Variants in F11 observed in about 807,000 individuals in gnomAD.
The protein encoded by F11 is coagulation factor XI, also known as coagualtion factor XI.
F11 carries 78 observed loss-of-function variants against 76.5 expected under a neutral mutation model. That is an observed-to-expected ratio of 1.02 (90% CI 0.85 to 1.23). The LOEUF (loss-of-function observed/expected upper bound fraction) is 1.23, where lower values mean the gene tolerates loss of function less well. F11 is among the 50% of genes most tolerant of loss of function. The pLI, the probability that F11 is intolerant of heterozygous loss-of-function variation, is 0.00. For synonymous variants in F11, 278 were observed against 276.3 expected (o/e 1.01, Z -0.06); for missense variants, 742 against 771.4 (o/e 0.96, Z 0.45).
At chr4:186,278,763 G>C (rs780068004) in intron 7 of F11, among the ~76,000 whole-genome samples, 3 of 152,152 alleles carry the variant, frequency 2.0e-5, no homozygotes, top group Admixed American at 6.5e-5. Context: ...ATTCAGAAGA[G>C]AGGTTTATGT....
Position 186,271,618 on chromosome 4 carries a change from C to T in F11, c.65C>T (p.Thr22Ile), listed in dbSNP as rs760244383. 62 of 1,614,160 alleles carry T rather than the reference C, an allele frequency of 3.8e-5. No individual in the cohort carries two copies. The South Asian group carries it at 6.8e-4, about 18-fold the overall frequency. ...ATGTACTACATCACAGAATGTGTGA[C>T]TCAGTTGTTGAAGGACACCTGCTTT... is the stretch of plus-strand genomic sequence containing the variant. ...LFTSVSGECV[T>I]QLLKDTCFEG... Residue 22 changes from threonine (T) to isoleucine (I), a missense_variant, in exon 3 of 15, where the codon ACT becomes ATT. Thr to Ile is a moderately conservative substitution (Grantham distance 89). Coordinates refer to ENST00000403665, the MANE Select transcript of F11 (RefSeq NM_000128.4).
Position 186,280,050 on chromosome 4 carries a change from C to T in F11, c.794C>T (p.Pro265Leu). The T allele has an allele frequency of 6.2e-7, 1 of 1,614,000 alleles. No homozygotes were observed. The highest frequency in any genetic ancestry group is 8.5e-7 in the Non-Finnish European group (1 of 1,179,948). The change falls in exon 8 of 15, where the codon CCC (proline) becomes CTC (leucine). Residue 265 changes from proline to leucine, a missense_variant. Physicochemically the swap from Pro to Leu is moderately conservative, Grantham distance 98. Coordinates refer to ENST00000403665, the MANE Select transcript of F11 (RefSeq NM_000128.4). ...CLLKTSESGLPSTRIKKSKAL... is the reference protein window; with the variant it reads ...CLLKTSESGLLSTRIKKSKAL... ...CTTAAAACATCTGAGAGTGGATTGC[C>T]CAGTACACGCATTAAAAAGAGCAAA...
chr4:186,270,808 C>G (rs531912098), intron 2 of F11, among the ~76,000 whole-genome samples: 3 of 152,034 alleles, frequency 2.0e-5, no homozygotes, highest in Admixed American at 6.5e-5. Flanking sequence ...ATCCTCCTAC[C>G]TCAGCCTCCC....
In F11 at chr4:186,285,733, T is replaced by C. The variant is rs1299574143; in HGVS notation, c.1400T>C (p.Ile467Thr). ...TCTTTCTTTGGGGTTCAAGAAATAATAATCCATGATCAGTATAAAATGGCA... is the reference window on the plus strand; with the variant it reads ...TCTTTCTTTGGGGTTCAAGAAATAACAATCCATGATCAGTATAAAATGGCA... ...DTSFFGVQEI[I>T]IHDQYKMAES... Residue 467 changes from isoleucine to threonine, a missense_variant, in exon 12 of 15, where the codon ATA becomes ACA. Coordinates refer to ENST00000403665, the MANE Select transcript of F11 (RefSeq NM_000128.4). 6.2e-7 allele frequency: 1 copy of C among 1,614,164 alleles called. No individual in the cohort carries two copies. Among genetic ancestry groups the C allele is most frequent in the Non-Finnish European group, 8.5e-7 (1 of 1,179,994 alleles).
At position 186,288,579 on chromosome 4, in the gene F11, G is replaced by A. The variant is rs202061241; in HGVS notation, c.1843G>A (p.Val615Met). Residue 615 changes from valine (V) to methionine (M), a missense_variant, in exon 15 of 15, where the codon GTG becomes ATG. Val to Met is a conservative substitution (Grantham distance 21, BLOSUM62 1). Coordinates refer to ENST00000403665, the MANE Select transcript of F11 (RefSeq NM_000128.4). ...TGTTTACACCAACGTGGTCGAGTACGTGGACTGGATTCTGGAGAAAACTCA... is the reference window on the plus strand; with the variant it reads ...TGTTTACACCAACGTGGTCGAGTACATGGACTGGATTCTGGAGAAAACTCA... ...PGVYTNVVEY[V>M]DWILEKTQAV The A allele has an allele frequency of 1.9e-4, 301 of 1,614,154 alleles. No homozygotes were observed. In the East Asian group the frequency reaches 2.8e-3, roughly 15 times the overall value.
intron 11 of F11, among the ~76,000 whole-genome samples, 176 bp downstream of exon 11, chr4:186,284,436 G>C: frequency 6.6e-6 from 1 of 152,208 alleles, no homozygotes; most frequent in Non-Finnish European, 1.5e-5. Flanking sequence ...CCCAGCATCA[G>C]AACAGGTGCA....
At chr4:186,272,189 G>A (rs1198991218) in intron 3 of F11, among the ~76,000 whole-genome samples, 1 of 151,824 alleles carries the variant, frequency 6.6e-6, no homozygotes, top group African/African-American at 2.4e-5. Flanking sequence ...TGATCCCCCT[G>A]CCACCACCAA....
chr4:186,275,883 A>G lies in F11; in HGVS notation c.582A>G (p.Ala194=). The G allele has an allele frequency of 6.2e-7, 1 of 1,610,984 alleles. No homozygotes were observed. Among genetic ancestry groups the G allele is most frequent in the Non-Finnish European group, 8.5e-7 (1 of 1,177,860 alleles). The change falls in exon 6 of 15, where the codon GCA becomes GCG. Residue 194 remains alanine (A), a synonymous_variant. Coordinates refer to ENST00000403665, the MANE Select transcript of F11 (RefSeq NM_000128.4). Reference sequence around the variant, plus strand: ...CTGGATTTTCACTGAAATCCTGTGCACTTTCTAATCTGGGTAATTATCGAC... The same window carrying G: ...CTGGATTTTCACTGAAATCCTGTGCGCTTTCTAATCTGGGTAATTATCGAC... ...VVSGFSLKSC[A]LSNLACIRDI... is the part of the protein sequence containing the mutation.
chr4:186,285,911 T>G, intron 12 of F11, 98 bp downstream of exon 12: 1 of 1,282,956 alleles, frequency 7.8e-7, no homozygotes, highest in Non-Finnish European at 1.1e-6. Flanking sequence ...AATCTCTCCA[T>G]GCGTTATCAT....
At chr4:186,282,048 C>A in intron 10 of F11, 2 of 1,249,496 alleles carry the variant, frequency 1.6e-6, no homozygotes, top group South Asian at 2.6e-5. Context: ...TTCCCTAAGA[C>A]AAGAAGGAGC....
intron 7 of F11, 38 bp from the exon 8 acceptor site, chr4:186,279,974 G>T (rs1715993530): frequency 1.4e-6 from 2 of 1,465,824 alleles, no homozygotes; most frequent in African/African-American, 1.4e-5. Flanking sequence ...TTATGTGTTT[G>T]ATATGATATA....
At position 186,286,715 on chromosome 4, in the gene F11, C is replaced by G. The variant is rs570483870; in HGVS notation, c.1576+205C>G. 9 of 984,988 alleles carry G rather than the reference C, an allele frequency of 9.1e-6. No individual in the cohort carries two copies. The African/African-American group carries it at 1.4e-4, about 15-fold the overall frequency. 61.0% of individuals were successfully genotyped at this position (984,988 alleles called of 1,614,324 possible). A position where few individuals can be genotyped will look rare whatever the true frequency, so the allele number is the denominator to read the frequency against. ...TTGGAAATTTTAAATGTGACTAAAT[C>G]TCTTTAAAGACTAATTATATTTAAT... On this transcript the variant is annotated intron_variant, in intron 13 of 14. Coordinates refer to ENST00000403665, the MANE Select transcript of F11 (RefSeq NM_000128.4).
Position 186,274,155 on chromosome 4 carries a change from G to A in F11, c.365G>A (p.Gly122Asp), listed in dbSNP as rs369650561. The stretch of plus-strand genomic sequence containing the variant: ...ATTTATGTGGACCTAGACATGAAGG[G>A]CATAAACTATAACAGCTCAGTTGCC... ...KDIYVDLDMK[G>D]INYNSSVAKS... The change falls in exon 5 of 15, where the codon GGC (glycine) becomes GAC (aspartate). Residue 122 changes from glycine to aspartate, a missense_variant. Physicochemically the swap from Gly to Asp is moderately conservative, Grantham distance 94 (BLOSUM62 -1). Transcript: ENST00000403665. The A allele has an allele frequency of 1.3e-5, 21 of 1,614,014 alleles. No homozygotes were observed. Among genetic ancestry groups the A allele is most frequent in the Non-Finnish European group, 1.7e-5 (20 of 1,180,048 alleles).
At chr4:186,273,742 G>A (rs764491381) in intron 4 of F11, among the ~76,000 whole-genome samples, 20 of 152,128 alleles carry the variant, frequency 1.3e-4, no homozygotes, top group African/African-American at 4.1e-4. Flanking sequence ...GTGCCCAGTC[G>A]AAATTCTTTA....
rs1741031907 is a variant in F11, at chr4:186,284,375, T to G, written c.1304+115T>G. ...AATTAGATTGTCTTATTTGCAAAAT[T>G]AATTAATTGCTTCAGTGGTAAAAAA... On this transcript the variant is annotated intron_variant, in intron 11 of 14. Transcript: ENST00000403665. The G allele has an allele frequency of 7.2e-6, 8 of 1,106,826 alleles. No homozygotes were observed. The East Asian group carries it at 2.1e-4, about 29-fold the overall frequency. 68.6% of individuals were successfully genotyped at this position (1,106,826 alleles called of 1,614,324 possible).
intron 4 of F11, among the ~76,000 whole-genome samples, chr4:186,273,734 G>A (rs1253759085): frequency 6.6e-6 from 1 of 152,164 alleles, no homozygotes; most frequent in Non-Finnish European, 1.5e-5. Flanking sequence ...ATTCCATGGT[G>A]CCCAGTCGAA....
intron 10 of F11, chr4:186,282,194 G>A: frequency 9.4e-7 from 1 of 1,061,826 alleles, no homozygotes; most frequent in Non-Finnish European, 1.2e-6. Flanking sequence ...ATTGCAGACT[G>A]CATTTTCCCC....
intron 7 of F11, among the ~76,000 whole-genome samples, chr4:186,279,382 CAA>C (rs35203561): frequency 2.9e-4 from 42 of 143,340 alleles, no homozygotes; most frequent in African/African-American, 1.0e-3. Flanking sequence ...GACTATGTCT[CAA>C]AAAAAAAAAA....
chr4:186,274,769 C>G (rs559258874), intron 5 of F11: 1 of 183,246 alleles, frequency 5.5e-6, no homozygotes, highest in South Asian at 1.1e-4. Flanking sequence ...ATTATCTGAT[C>G]TCTAATAACC....
Sources: gnomAD v4.1 joint callset for allele counts (sites outside exome capture counted in the v4.1 genomes callset) on GRCh38, gnomAD v4.1.1 for gene constraint, MANE v1.5 for transcripts, NCBI Gene and HGNC (gene_info 2026-07-23, HGNC 2026-07-21) for gene names.